The following TXNDC16 variants were observed in gnomAD, a reference collection of about 807,000 sequenced individuals.
TXNDC16 encodes the protein thioredoxin domain-containing protein 16.
TXNDC16 carries 74 observed loss-of-function variants against 85.6 expected under a neutral mutation model. The observed-to-expected ratio is 0.86, with a 90% CI of 0.72 to 1.05. The LOEUF (loss-of-function observed/expected upper bound fraction) is 1.05, where lower values mean the gene tolerates loss of function less well. TXNDC16 is among the 50% of genes least tolerant of loss of function. The pLI is 0.00. For synonymous variants in TXNDC16, 335 were observed against 326.5 expected (o/e 1.03, Z -0.28); for missense variants, 959 against 947.0 (o/e 1.01, Z -0.17).
intron 6 of TXNDC16, among the ~76,000 whole-genome samples, chr14:52,524,571 C>T (rs1258799648): frequency 2.0e-5 from 3 of 152,066 alleles, no homozygotes; most frequent in Non-Finnish European, 4.4e-5. Context: ...TCACTGCAGC[C>T]TCGAGCTTCT....
intron 12 of TXNDC16, among the ~76,000 whole-genome samples, chr14:52,487,762 A>C (rs1386666504): frequency 6.6e-6 from 1 of 152,228 alleles, no homozygotes; most frequent in Non-Finnish European, 1.5e-5. Context: ...GGAAATGCAG[A>C]CTCTTCATGT....
intron 6 of TXNDC16, among the ~76,000 whole-genome samples, chr14:52,523,981 G>C (rs956937777): frequency 6.6e-6 from 1 of 152,222 alleles, no homozygotes. Flanking sequence ...ACAGAGCTGT[G>C]AGGAATTCAA....
chr14:52,462,234 A>AT (rs903194483), intron 16 of TXNDC16, among the ~76,000 whole-genome samples: 7 of 150,882 alleles, frequency 4.6e-5, no homozygotes, highest in Non-Finnish European at 7.4e-5. Flanking sequence ...TTTTGTTTAT[A>AT]TTTTTTTTTA....
intron 18 of TXNDC16, among the ~76,000 whole-genome samples, chr14:52,448,327 T>A (rs1046847735): frequency 2.6e-5 from 4 of 151,698 alleles, no homozygotes; most frequent in African/African-American, 4.8e-5. Context: ...GTAGCTCCAA[T>A]ACACCTAGCA....
intron 6 of TXNDC16, among the ~76,000 whole-genome samples, chr14:52,530,304 A>AT (rs1426854224): frequency 9.9e-5 from 5 of 50,740 alleles, no homozygotes; most frequent in Non-Finnish European, 1.3e-4. Context: ...ATATAATATT[A>AT]ATATATAATA....
chr14:52,536,552 T>A (rs1018647942), intron 6 of TXNDC16, among the ~76,000 whole-genome samples, 167 bp downstream of exon 6: 5 of 152,196 alleles, frequency 3.3e-5, no homozygotes, highest in Non-Finnish European at 7.3e-5. Flanking sequence ...CATTAAAAAA[T>A]TTTTTAGATC....
intron 6 of TXNDC16, among the ~76,000 whole-genome samples, chr14:52,519,785 T>C (rs1449023283): frequency 6.6e-6 from 1 of 152,218 alleles, no homozygotes; most frequent in Non-Finnish European, 1.5e-5. Flanking sequence ...TGGAAGCTAT[T>C]CCTTTTGCTC....
chr14:52,453,404 G>A (rs2035456723), intron 18 of TXNDC16, among the ~76,000 whole-genome samples: 1 of 152,132 alleles, frequency 6.6e-6, no homozygotes, highest in African/African-American at 2.4e-5. Context: ...ATTCATAACA[G>A]CCAAGATTTG....
At chr14:52,445,365 C>CT (rs1292348468) in intron 18 of TXNDC16, among the ~76,000 whole-genome samples, 2 of 152,088 alleles carry the variant, frequency 1.3e-5, no homozygotes, top group Non-Finnish European at 2.9e-5. Context: ...CACAAAAAGA[C>CT]TTAATAAAGA....
intron 6 of TXNDC16, among the ~76,000 whole-genome samples, chr14:52,530,664 GTA>G (rs1232668721): frequency 8.1e-6 from 1 of 123,606 alleles, no homozygotes; most frequent in Non-Finnish European, 1.6e-5. Flanking sequence ...ATATATATGT[GTA>G]TATATGTTAC....
chr14:52,479,725 T>G (rs2036103267), intron 14 of TXNDC16, among the ~76,000 whole-genome samples: 1 of 152,094 alleles, frequency 6.6e-6, no homozygotes, highest in South Asian at 2.1e-4. Flanking sequence ...AGAATCAGTA[T>G]TGTGAAAATG....
chr14:52,545,214 C>T (rs1050556812), intron 1 of TXNDC16, among the ~76,000 whole-genome samples: 1 of 152,120 alleles, frequency 6.6e-6, no homozygotes, highest in African/African-American at 2.4e-5. Context: ...TCAGTGTTAA[C>T]ATATTATTAC....
In TXNDC16 at chr14:52,530,237, A is replaced by AATT. The variant is rs1487465533; in HGVS notation, c.392+6481_392+6482insAAT. 2.6e-3 allele frequency among the ~76,000 whole-genome samples: 178 copies of AATT among 67,314 alleles called. 2 individuals are homozygous for AATT. The highest frequency in any genetic ancestry group is 0.012 in the African/African-American group (175 of 14,832). The allele number at this position is 67,314 out of a possible 152,430, so 44.2% of individuals were successfully genotyped here. On this transcript the variant is annotated intron_variant, in intron 6 of 20. Coordinates refer to ENST00000281741, the MANE Select transcript of TXNDC16 (RefSeq NM_020784.3). ...CAGAATAATATATAATATTACATAT[A>AATT]ATAATATATAATATATATTATATAA... is the stretch of plus-strand genomic sequence containing the variant.
chr14:52,476,071 G>C (rs1307670405), intron 14 of TXNDC16, among the ~76,000 whole-genome samples: 1 of 152,190 alleles, frequency 6.6e-6, no homozygotes, highest in Non-Finnish European at 1.5e-5. Context: ...AGATCCAGAA[G>C]GGGGATAACA....
chr14:52,440,369 G>A, intron 19 of TXNDC16, among the ~76,000 whole-genome samples, 195 bp downstream of exon 19: 2 of 152,134 alleles, frequency 1.3e-5, no homozygotes, highest in South Asian at 4.2e-4. Flanking sequence ...AAATTTTACT[G>A]TAGAATAAAA....
At chr14:52,432,641 T>G in intron 20 of TXNDC16, 54 bp from the exon 21 acceptor site, 1 of 1,419,494 alleles carries the variant, frequency 7.0e-7, no homozygotes, top group Non-Finnish European at 9.4e-7. Context: ...AATCGTCACA[T>G]CAACATATTA....
chr14:52,510,152 C>T (rs894434350), intron 9 of TXNDC16, among the ~76,000 whole-genome samples: 1 of 151,834 alleles, frequency 6.6e-6, no homozygotes, highest in Non-Finnish European at 1.5e-5. Context: ...GTTCAAAGAA[C>T]AAAACGAACA....
At chr14:52,447,096 C>T (rs1004849740) in intron 18 of TXNDC16, among the ~76,000 whole-genome samples, 3 of 151,926 alleles carry the variant, frequency 2.0e-5, no homozygotes, top group South Asian at 2.1e-4. Context: ...GAACACCAAG[C>T]GGGTTTTGGG....
intron 9 of TXNDC16, among the ~76,000 whole-genome samples, chr14:52,496,246 A>G (rs1458483045): frequency 6.6e-6 from 1 of 151,866 alleles, no homozygotes; most frequent in Non-Finnish European, 1.5e-5. Context: ...CACTATATAC[A>G]CTCCTAGTTG....
Sources: gnomAD v4.1 joint callset for allele counts (sites outside exome capture counted in the v4.1 genomes callset) on GRCh38, gnomAD v4.1.1 for gene constraint, MANE v1.5 for transcripts, NCBI Gene and HGNC (gene_info 2026-07-23, HGNC 2026-07-21) for gene names.